ATF7IP2: variants seen among roughly 807,000 people sequenced by gnomAD.
ATF7IP2 encodes activating transcription factor 7 interacting protein 2.
A neutral mutation model predicts 64.2 loss-of-function variants in ATF7IP2; 42 were observed. The observed-to-expected ratio is 0.65, with a 90% CI of 0.51 to 0.85. The LOEUF (loss-of-function observed/expected upper bound fraction) is 0.85, where lower values mean the gene tolerates loss of function less well. ATF7IP2 is among the 40% of genes least tolerant of loss of function. The pLI is 0.00. For synonymous variants in ATF7IP2, 308 were observed against 272.8 expected (o/e 1.13, Z -1.27); for missense variants, 933 against 784.2 (o/e 1.19, Z -2.27).
intron 8 of ATF7IP2, among the ~76,000 whole-genome samples, chr16:10,451,551 C>A (rs1263625513): frequency 6.6e-6 from 1 of 152,020 alleles, no homozygotes; most frequent in Admixed American, 6.6e-5. Context: ...CTTGTCTTCT[C>A]ACTTTATTTC....
chr16:10,422,320 C>G (rs756818817), intron 3 of ATF7IP2, among the ~76,000 whole-genome samples: 13 of 152,118 alleles, frequency 8.5e-5, no homozygotes, highest in African/African-American at 2.7e-4. Flanking sequence ...CCACTTGAAG[C>G]AGTTCCTTCA....
At chr16:10,399,898 T>C (rs1014966155) in intron 1 of ATF7IP2, among the ~76,000 whole-genome samples, 4 of 152,242 alleles carry the variant, frequency 2.6e-5, no homozygotes, top group African/African-American at 9.6e-5. Context: ...AGGAGGTCTT[T>C]GACCTCCTTG....
intron 9 of ATF7IP2, among the ~76,000 whole-genome samples, chr16:10,458,224 T>C (rs573477368): frequency 1.3e-5 from 2 of 152,330 alleles, no homozygotes; most frequent in African/African-American, 4.8e-5. Flanking sequence ...TGCCCTAATA[T>C]TCTGTAATAT....
In ATF7IP2 at chr16:10,469,605, G is replaced by A. The variant is rs142533682; in HGVS notation, c.1353-2505G>A. Reference sequence around the variant, plus strand: ...GTCTGACCAACATGGAGAAAACCCCGTCTCTACTAAAAATATAAAATTAGC... The same window carrying A: ...GTCTGACCAACATGGAGAAAACCCCATCTCTACTAAAAATATAAAATTAGC... On this transcript the variant is annotated intron_variant, in intron 9 of 13. Transcript: ENST00000562102. Among the ~76,000 whole-genome samples, 160 of 151,974 alleles carry A rather than the reference G, an allele frequency of 1.1e-3. 1 individual carries two copies. Among genetic ancestry groups the A allele is most frequent in the Admixed American group, 5.8e-3 (89 of 15,242 alleles).
intron 1 of ATF7IP2, among the ~76,000 whole-genome samples, chr16:10,405,452 C>T (rs1414944127): frequency 6.6e-6 from 1 of 152,136 alleles, no homozygotes; most frequent in Non-Finnish European, 1.5e-5. Context: ...AACTGTTAGT[C>T]CAAGCTGCAT....
At chr16:10,437,319 G>A (rs904899631) in intron 6 of ATF7IP2, among the ~76,000 whole-genome samples, 1 of 152,030 alleles carries the variant, frequency 6.6e-6, no homozygotes, top group African/African-American at 2.4e-5. Flanking sequence ...GCACCCGGCT[G>A]GCTTCTTTCA....
At chr16:10,431,773 A>C (rs112646242) in intron 5 of ATF7IP2, among the ~76,000 whole-genome samples, 1 of 150,120 alleles carries the variant, frequency 6.7e-6, no homozygotes, top group African/African-American at 2.4e-5. Context: ...ATTAAGAAGG[A>C]GGCTAGTTGA....
In ATF7IP2 at chr16:10,440,237, T is replaced by C. The variant is rs2048568609; in HGVS notation, c.1096-127T>C. ...ATGTGATTTCAAGCTTTTGCATATA[T>C]TAGAATTTTTCATTTGGGTAGATGT... On this transcript the variant is annotated intron_variant, in intron 7 of 13. Transcript: ENST00000562102. 1.3e-5 allele frequency: 6 copies of C among 471,512 alleles called. No individual in the cohort carries two copies. The South Asian group carries it at 1.5e-4, about 11-fold the overall frequency. 29.2% of individuals were successfully genotyped at this position (471,512 alleles called of 1,614,324 possible).
At chr16:10,439,467 C>G (rs1482632575) in intron 7 of ATF7IP2, among the ~76,000 whole-genome samples, 1 of 151,234 alleles carries the variant, frequency 6.6e-6, no homozygotes, top group African/African-American at 2.4e-5. Context: ...ATCTCCTGAC[C>G]TCATGATCCG....
intron 1 of ATF7IP2, among the ~76,000 whole-genome samples, chr16:10,410,352 GTTTTGTTTTTGT>G (rs529353000): frequency 1.5e-5 from 2 of 129,876 alleles, no homozygotes; most frequent in Non-Finnish European, 3.3e-5. Flanking sequence ...GTTTTGTTTT[GTTTTGTTTTTGT>G]TTTTGTTTTG....
chr16:10,449,935 C>G (rs1049646341), intron 8 of ATF7IP2, among the ~76,000 whole-genome samples: 6 of 152,134 alleles, frequency 3.9e-5, no homozygotes, highest in African/African-American at 9.7e-5. Flanking sequence ...GATTTTAGAT[C>G]TTTCCCGCTT....
intron 9 of ATF7IP2, among the ~76,000 whole-genome samples, chr16:10,463,083 A>T (rs2049428205): frequency 6.6e-6 from 1 of 152,168 alleles, no homozygotes; most frequent in South Asian, 2.1e-4. Flanking sequence ...AGATTTTCAG[A>T]TCTATTTCTG....
rs1424826895 is a variant in ATF7IP2 at position 10,431,214 on chromosome 16, T to C, written c.594T>C (p.Val198=). The C allele has an allele frequency of 6.2e-7, 1 of 1,614,194 alleles. No individual in the cohort carries two copies. The stretch of plus-strand genomic sequence containing the variant: ...GTGACAAGAAAACTGACCAGATGGT[T>C]TTCCATTTAGAAACAAACTCCAATT... ...TVGDKKTDQM[V]FHLETNSNSE... is the part of the protein sequence containing the mutation. The change falls in exon 5 of 14, where the codon GTT becomes GTC. Residue 198 remains valine, a synonymous_variant. Coordinates refer to ENST00000562102, the MANE Select transcript of ATF7IP2 (RefSeq NM_001393719.1).
chr16:10,404,233 G>A (rs542028140), intron 1 of ATF7IP2, among the ~76,000 whole-genome samples: 2 of 152,296 alleles, frequency 1.3e-5, no homozygotes, highest in East Asian at 1.9e-4. Flanking sequence ...TAGATGAATA[G>A]TGTACTTGTC....
intron 1 of ATF7IP2, among the ~76,000 whole-genome samples, chr16:10,399,513 A>C (rs748464382): frequency 1.3e-5 from 2 of 152,156 alleles, no homozygotes; most frequent in Non-Finnish European, 2.9e-5. Context: ...ACGTGGCTTT[A>C]TTTCCGGGTT....
chr16:10,472,048 G>A (rs180738991), intron 9 of ATF7IP2, 62 bp from the exon 10 acceptor site: 10 of 806,642 alleles, frequency 1.2e-5, no homozygotes, highest in East Asian at 2.6e-5. Flanking sequence ...ACCACTAATT[G>A]CATGTTTAAG....
At chr16:10,447,891 T>G (rs1286951102) in intron 8 of ATF7IP2, 4 of 152,240 alleles carry the variant, frequency 2.6e-5, no homozygotes, top group Non-Finnish European at 1.5e-5. Context: ...CTTCTAAGGC[T>G]TTTATGGTTT....
intron 1 of ATF7IP2, among the ~76,000 whole-genome samples, chr16:10,392,251 C>CTGG (rs1288579678): frequency 6.6e-6 from 1 of 151,554 alleles, no homozygotes; most frequent in Non-Finnish European, 1.5e-5. Flanking sequence ...GTTGGTCAGG[C>CTGG]TGGTCTTGAA....
At chr16:10,476,426 T>C (rs1410137198) in intron 12 of ATF7IP2, among the ~76,000 whole-genome samples, 1 of 152,220 alleles carries the variant, frequency 6.6e-6, no homozygotes, top group Non-Finnish European at 1.5e-5. Flanking sequence ...TACCCAACTT[T>C]CATACTTTCC....
Sources: gnomAD v4.1 joint callset for allele counts (sites outside exome capture counted in the v4.1 genomes callset) on GRCh38, gnomAD v4.1.1 for gene constraint, MANE v1.5 for transcripts, NCBI Gene and HGNC (gene_info 2026-07-23, HGNC 2026-07-21) for gene names.